KANSL1: variants seen among roughly 807,000 people sequenced by gnomAD.
KANSL1 encodes KAT8 regulatory NSL complex subunit 1, also known as MLL1/MLL complex subunit KANSL1.
A neutral mutation model predicts 103.6 loss-of-function variants in KANSL1; 22 were observed. The observed-to-expected ratio is 0.21, with a 90% CI of 0.15 to 0.30. The LOEUF (loss-of-function observed/expected upper bound fraction) is 0.30. Among genes scored for constraint, KANSL1 ranks in the 10% least tolerant of loss-of-function variants. The pLI is 1.00. For synonymous variants in KANSL1, 600 were observed against 527.6 expected (o/e 1.14, Z -1.88); for missense variants, 1,337 against 1,399.8 (o/e 0.96, Z 0.72).
At chr17:46,066,283 T>G (rs772590606) in intron 6 of KANSL1, among the ~76,000 whole-genome samples, 28 of 152,194 alleles carry the variant, frequency 1.8e-4, no homozygotes, top group Non-Finnish European at 3.5e-4. Context: ...CTCTCCCATT[T>G]CTATTAAAAA....
intron 3 of KANSL1, 73 bp downstream of exon 3, chr17:46,094,487 G>C (rs1384716036): frequency 6.6e-7 from 1 of 1,510,924 alleles, no homozygotes; most frequent in Non-Finnish European, 9.1e-7. Flanking sequence ...GTTACGAGGT[G>C]GGAGGGGATG....
chr17:46,058,104 G>A (rs1345416173), intron 6 of KANSL1, among the ~76,000 whole-genome samples: 4 of 152,184 alleles, frequency 2.6e-5, no homozygotes, highest in Non-Finnish European at 5.9e-5. Flanking sequence ...AGAGACTAAG[G>A]AAACTGAAAA....
intron 1 of KANSL1, among the ~76,000 whole-genome samples, chr17:46,180,442 G>A (rs2046733637): frequency 6.6e-6 from 1 of 152,234 alleles, no homozygotes. Context: ...AGGTTGCAGT[G>A]AGCCGAGATC....
chr17:46,149,560 G>A (rs1246650290), intron 2 of KANSL1, among the ~76,000 whole-genome samples: 1 of 152,268 alleles, frequency 6.6e-6, no homozygotes, highest in Admixed American at 6.5e-5. Flanking sequence ...TCAAGTGAAT[G>A]AGTATGACTG....
intron 10 of KANSL1, chr17:46,034,966 A>C (rs987719326): frequency 2.0e-5 from 3 of 152,248 alleles, no homozygotes; most frequent in Non-Finnish European, 4.4e-5. Context: ...ATTCCTGGTG[A>C]AAGGAAATTT....
At chr17:46,053,577 G>A (rs2077805184) in intron 6 of KANSL1, among the ~76,000 whole-genome samples, 1 of 151,428 alleles carries the variant, frequency 6.6e-6, no homozygotes, top group Non-Finnish European at 1.5e-5. Flanking sequence ...GACTACAGGC[G>A]CCCACCACCA....
Position 46,034,221 on chromosome 17 carries a change from A to G in KANSL1, c.2606T>C (p.Met869Thr). The stretch of plus-strand genomic sequence containing the variant: ...TACGCGAGTTGTTGCAGCAACAGAC[A>G]TTGGGATGACAATGTTGTTAATATC... Reference protein sequence around the residue: ...SFDINNIVIPMSVAATTRVEK... With the variant: ...SFDINNIVIPTSVAATTRVEK... Residue 869 changes from methionine to threonine, a missense_variant, in exon 11 of 15, where the codon ATG becomes ACG. Around this residue, in one of 2 missense-constraint regions of KANSL1, gnomAD observed 780 missense variants for 923.4 expected, o/e 0.84. Transcript: ENST00000432791. 1 of 1,614,130 alleles carries G rather than the reference A, an allele frequency of 6.2e-7. No individual in the cohort carries two copies.
In KANSL1 at chr17:46,069,667, C is replaced by G. The variant is rs920056985; in HGVS notation, c.1534-2000G>C. 5.8e-4 allele frequency among the ~76,000 whole-genome samples: 89 copies of G among 152,146 alleles called. 1 individual carries two copies. Among genetic ancestry groups the G allele is most frequent in the African/African-American group, 2.1e-3 (88 of 41,518 alleles). ...GGCTGAGGCACAAGAATCACTTGAACCCAGGAAGTGGAGGTTGCAGTGAGC... is the reference window on the plus strand; with the variant it reads ...GGCTGAGGCACAAGAATCACTTGAAGCCAGGAAGTGGAGGTTGCAGTGAGC... On this transcript the variant is annotated intron_variant, in intron 4 of 14. Transcript: ENST00000432791.
At chr17:46,175,261 A>G (rs2046463080) in intron 1 of KANSL1, among the ~76,000 whole-genome samples, 1 of 152,028 alleles carries the variant, frequency 6.6e-6, no homozygotes, top group South Asian at 2.1e-4. Context: ...CTGAGAAAAC[A>G]TTATTCATAA....
chr17:46,116,313 G>A (rs1449885137), intron 2 of KANSL1, among the ~76,000 whole-genome samples: 1 of 152,156 alleles, frequency 6.6e-6, no homozygotes, highest in African/African-American at 2.4e-5. Flanking sequence ...GGCGGATCAC[G>A]AGGTCAGAGG....
chr17:46,032,401 A>C, intron 13 of KANSL1, 102 bp from the exon 14 acceptor site: 1 of 1,009,140 alleles, frequency 9.9e-7, no homozygotes, highest in Non-Finnish European at 1.4e-6. Flanking sequence ...GAGGCAAACA[A>C]ACACCAACAG....
intron 2 of KANSL1, among the ~76,000 whole-genome samples, chr17:46,098,844 T>C (rs1187037282): frequency 2.6e-5 from 4 of 152,234 alleles, no homozygotes; most frequent in Admixed American, 1.3e-4. Context: ...AACTCAAGCG[T>C]CCAAGAAGTA....
chr17:46,123,939 T>C (rs959059161), intron 2 of KANSL1, among the ~76,000 whole-genome samples: 2 of 152,350 alleles, frequency 1.3e-5, no homozygotes, highest in African/African-American at 4.8e-5. Context: ...CCAAAACTTT[T>C]GTGGCTAGAG....
chr17:46,203,012 GC>G (rs2047853136), intron 1 of KANSL1, among the ~76,000 whole-genome samples: 2 of 152,214 alleles, frequency 1.3e-5, no homozygotes, highest in Non-Finnish European at 2.9e-5. Context: ...CCAGTGGTTT[GC>G]TAGAACTCAG....
intron 3 of KANSL1, among the ~76,000 whole-genome samples, chr17:46,089,458 A>C (rs755777169): frequency 6.6e-6 from 1 of 151,950 alleles, no homozygotes; most frequent in African/African-American, 2.4e-5. Flanking sequence ...GCAACAAAGT[A>C]AATCCTTAAA....
At chr17:46,147,904 G>A (rs558222068) in intron 2 of KANSL1, among the ~76,000 whole-genome samples, 1 of 152,316 alleles carries the variant, frequency 6.6e-6, no homozygotes, top group South Asian at 2.1e-4. Flanking sequence ...GGTTGTTGAT[G>A]AATATAAAAT....
At chr17:46,139,466 G>A (rs1265847909) in intron 2 of KANSL1, among the ~76,000 whole-genome samples, 3 of 152,128 alleles carry the variant, frequency 2.0e-5, no homozygotes, top group Non-Finnish European at 4.4e-5. Context: ...TCCTCCACCT[G>A]TGCCACTACT....
intron 2 of KANSL1, among the ~76,000 whole-genome samples, chr17:46,133,407 A>G (rs191246300): frequency 6.6e-5 from 10 of 152,372 alleles, no homozygotes; most frequent in Non-Finnish European, 1.5e-4. Flanking sequence ...GACAGGTGGT[A>G]AACGATTCTT....
chr17:46,150,234 C>T (rs1597807100), intron 2 of KANSL1, among the ~76,000 whole-genome samples: 1 of 151,386 alleles, frequency 6.6e-6, no homozygotes, highest in East Asian at 1.9e-4. Context: ...AACCTTTGCT[C>T]AATTTGTATA....
Sources: allele counts gnomAD v4.1 joint callset (sites outside exome capture counted in the v4.1 genomes callset), GRCh38; gene constraint gnomAD v4.1.1; regional missense constraint gnomAD v4.1.1; transcripts MANE v1.5; gene names NCBI Gene and HGNC (gene_info 2026-07-23, HGNC 2026-07-21).